Variants in ARHGAP15 observed in about 807,000 individuals in gnomAD.
ARHGAP15 encodes the protein rho GTPase-activating protein 15.
A neutral mutation model predicts 63.7 loss-of-function variants in ARHGAP15; 51 were observed. The observed-to-expected ratio is 0.80, with a 90% CI of 0.64 to 1.01. ARHGAP15 has a LOEUF of 1.01. ARHGAP15 is among the 50% of genes least tolerant of loss of function. The probability of loss-of-function intolerance (pLI) is 0.00; values close to 1 mark genes in which losing one functional copy is unlikely to be tolerated. For missense variants in ARHGAP15, 560 were observed against 564.6 expected, an observed-to-expected ratio of 0.99 and a Z score of 0.08; for synonymous variants, 191 against 193.8, an observed-to-expected ratio of 0.99 and a Z score of 0.12.
chr2:143,610,869 C>T (rs774400648), intron 11 of ARHGAP15, among the ~76,000 whole-genome samples: 33 of 152,068 alleles, frequency 2.2e-4, no homozygotes, highest in Non-Finnish European at 4.6e-4. Flanking sequence ...GCTGGGACTA[C>T]AGGCACGCAC....
At chr2:143,218,996 A>T (rs1256840468) in intron 4 of ARHGAP15, among the ~76,000 whole-genome samples, 1 of 152,222 alleles carries the variant, frequency 6.6e-6, no homozygotes, top group Non-Finnish European at 1.5e-5. Flanking sequence ...TATGTCGTCC[A>T]TTGTGGATTA....
chr2:143,425,286 G>T (rs76011495), intron 6 of ARHGAP15, among the ~76,000 whole-genome samples: 1 of 151,868 alleles, frequency 6.6e-6, no homozygotes, highest in East Asian at 1.9e-4. Context: ...GTCACAGGTG[G>T]TTTATTTTAA....
At chr2:143,597,745 C>A (rs922236373) in intron 11 of ARHGAP15, among the ~76,000 whole-genome samples, 4 of 152,052 alleles carry the variant, frequency 2.6e-5, no homozygotes, top group African/African-American at 9.7e-5. Flanking sequence ...CAATTTCAAG[C>A]AAACAAACCT....
intron 11 of ARHGAP15, among the ~76,000 whole-genome samples, chr2:143,607,281 A>G (rs962641090): frequency 1.3e-5 from 2 of 152,170 alleles, no homozygotes; most frequent in Non-Finnish European, 2.9e-5. Flanking sequence ...CTCAGCTCTC[A>G]CTTCTTTTAT....
At chr2:143,453,400 C>T (rs940247437) in intron 8 of ARHGAP15, among the ~76,000 whole-genome samples, 2 of 151,898 alleles carry the variant, frequency 1.3e-5, no homozygotes, top group African/African-American at 2.4e-5. Flanking sequence ...ATAGTATCTA[C>T]CTCACAGAGT....
intron 12 of ARHGAP15, among the ~76,000 whole-genome samples, chr2:143,688,308 G>T (rs1191445199): frequency 6.6e-6 from 1 of 152,104 alleles, no homozygotes; most frequent in Admixed American, 6.6e-5. Flanking sequence ...TTTTTGAAAG[G>T]AATAAAAAAC....
intron 5 of ARHGAP15, chr2:143,238,497 C>T (rs1008512812): frequency 6.6e-6 from 1 of 152,022 alleles, no homozygotes; most frequent in Admixed American, 6.6e-5. Flanking sequence ...AATGAGATAC[C>T]ATCTCACACC....
chr2:143,491,681 T>C (rs1057340415), intron 9 of ARHGAP15, among the ~76,000 whole-genome samples: 10 of 152,194 alleles, frequency 6.6e-5, no homozygotes, highest in Non-Finnish European at 1.5e-4. Flanking sequence ...CAGTTTCTAT[T>C]TATAGTTCTG....
rs571691326 is a variant in ARHGAP15 at position 143,685,017 on chromosome 2, G to T, written c.1139-18402G>T. Among the ~76,000 whole-genome samples, 33 of 152,288 alleles carry T rather than the reference G, an allele frequency of 2.2e-4. 1 individual carries two copies. The South Asian group carries it at 6.8e-3, about 32-fold the overall frequency. On this transcript the variant is annotated intron_variant, in intron 12 of 13. Transcript: ENST00000295095. ...ATCCAACTGCTGCTCATTTGTCACAGCCAAATAAAATGTCAAATAAAAGTG... is the reference window on the plus strand; with the variant it reads ...ATCCAACTGCTGCTCATTTGTCACATCCAAATAAAATGTCAAATAAAAGTG...
chr2:143,542,640 ATATATATATGATATATAT>A (rs1404670894), intron 10 of ARHGAP15, among the ~76,000 whole-genome samples: 1 of 143,566 alleles, frequency 7.0e-6, no homozygotes, highest in East Asian at 2.0e-4. Flanking sequence ...ATGATTTAAA[ATATATATATGATATATAT>A]TATATATATG....
At chr2:143,645,118 A>G (rs1039822779) in intron 12 of ARHGAP15, among the ~76,000 whole-genome samples, 5 of 152,128 alleles carry the variant, frequency 3.3e-5, no homozygotes, top group Non-Finnish European at 7.4e-5. Flanking sequence ...GAAATAATCA[A>G]AAATGGTTAA....
At chr2:143,417,560 C>T (rs1274890228) in intron 6 of ARHGAP15, among the ~76,000 whole-genome samples, 2 of 152,162 alleles carry the variant, frequency 1.3e-5, no homozygotes, top group African/African-American at 2.4e-5. Flanking sequence ...CATTCTTATG[C>T]AGTGGCTACC....
At chr2:143,576,997 C>G (rs553910521) in intron 11 of ARHGAP15, among the ~76,000 whole-genome samples, 1 of 152,126 alleles carries the variant, frequency 6.6e-6, no homozygotes, top group South Asian at 2.1e-4. Context: ...AACTAATCCT[C>G]CTAATTGCAA....
intron 8 of ARHGAP15, among the ~76,000 whole-genome samples, chr2:143,456,403 TTACA>T (rs1690656530): frequency 6.6e-6 from 1 of 152,144 alleles, no homozygotes; most frequent in Non-Finnish European, 1.5e-5. Context: ...TTCTATTGTG[TTACA>T]TACTAAAATT....
chr2:143,409,292 G>C (rs949061699), intron 6 of ARHGAP15, among the ~76,000 whole-genome samples: 1 of 151,564 alleles, frequency 6.6e-6, no homozygotes, highest in Non-Finnish European at 1.5e-5. Context: ...AAATTAATGA[G>C]GCAAATGGTG....
chr2:143,207,428 G>A (rs543806473), intron 3 of ARHGAP15, among the ~76,000 whole-genome samples: 4 of 151,380 alleles, frequency 2.6e-5, no homozygotes, highest in African/African-American at 4.8e-5. Flanking sequence ...CTGCATACCC[G>A]AATATTTTTC....
At chr2:143,661,350 T>C (rs935597064) in intron 12 of ARHGAP15, among the ~76,000 whole-genome samples, 1 of 152,204 alleles carries the variant, frequency 6.6e-6, no homozygotes, top group East Asian at 1.9e-4. Context: ...TAAGTCGATA[T>C]AACATTGCTT....
intron 2 of ARHGAP15, 90 bp downstream of exon 2, chr2:143,155,745 G>C: frequency 1.5e-6 from 2 of 1,357,534 alleles, no homozygotes; most frequent in Non-Finnish European, 2.0e-6. Flanking sequence ...TGTTTTATTT[G>C]TTTTCCTAAT....
chr2:143,749,971 T>C (rs1011130205), intron 13 of ARHGAP15, among the ~76,000 whole-genome samples: 2 of 152,148 alleles, frequency 1.3e-5, no homozygotes, highest in African/African-American at 2.4e-5. Context: ...TCTGTGAAGC[T>C]TTTTAGCAAC....
Sources: gnomAD v4.1 joint callset for allele counts (sites outside exome capture counted in the v4.1 genomes callset) on GRCh38, gnomAD v4.1.1 for gene constraint, MANE v1.5 for transcripts, NCBI Gene and HGNC (gene_info 2026-07-23, HGNC 2026-07-21) for gene names.